PCDHGA2: variants seen among roughly 807,000 people sequenced by gnomAD.
PCDHGA2 encodes the protein protocadherin gamma-A2.
Under a neutral mutation model 59.2 loss-of-function variants are expected in PCDHGA2, and 40 were observed. The ratio of observed to expected loss-of-function variants is 0.68; its 90% confidence interval spans 0.52 to 0.88. The LOEUF (loss-of-function observed/expected upper bound fraction) is 0.88, where lower values mean the gene tolerates loss of function less well. PCDHGA2 is among the 40% of genes least tolerant of loss of function. The pLI is 0.00. For missense variants in PCDHGA2, 1,226 were observed against 1,204.0 expected (o/e 1.02, Z -0.27); for synonymous variants, 560 against 526.0 (o/e 1.06, Z -0.89).
chr5:141,350,530 G>T, intron 1 of PCDHGA2: 3 of 1,614,064 alleles, frequency 1.9e-6, no homozygotes, highest in Non-Finnish European at 1.7e-6. Flanking sequence ...TAGATCGAGA[G>T]AAGATTTGCG....
chr5:141,350,855 A>G, intron 1 of PCDHGA2: 5 of 1,614,090 alleles, frequency 3.1e-6, no homozygotes, highest in Non-Finnish European at 4.2e-6. Context: ...ACCTCTAGAC[A>G]GGGAACATCA....
rs780923234 is a variant in PCDHGA2 at position 141,339,362 on chromosome 5, C to T, written c.391C>T (p.Pro131Ser). 1 of 1,614,146 alleles carries T rather than the reference C, an allele frequency of 6.2e-7. No homozygotes were observed. Among genetic ancestry groups the T allele is most frequent in the African/African-American group, 1.3e-5 (1 of 75,042 alleles). ...AATAACAGATATTAACGATAATGCC[C>T]CTCGCTTTGGAGTAGAGGAACTGGA... ...VEITDINDNA[P>S]RFGVEELELK... is the part of the protein sequence containing the mutation. Residue 131 changes from proline to serine, a missense_variant, in exon 1 of 4, where the codon CCT becomes TCT. Pro to Ser is a moderately conservative substitution (Grantham distance 74, BLOSUM62 -1). Transcript: ENST00000394576.
At position 141,421,262 on chromosome 5, in the gene PCDHGA2, G is replaced by GGCT. The variant is rs748368476; in HGVS notation, c.2425-73531_2425-73529dup. 2.6e-5 allele frequency: 42 copies of GGCT among 1,609,594 alleles called. No homozygotes were observed. The Admixed American group carries it at 3.2e-4, about 12-fold the overall frequency. On this transcript the variant is annotated intron_variant, in intron 1 of 3. Coordinates refer to ENST00000394576, the MANE Select transcript of PCDHGA2 (RefSeq NM_018915.4). ...CGGCTACAGCGCGGGGACCGCAGTC[G>GGCT]GCTGCTGCTGCTGCTGTGCATTTTC...
At chr5:141,358,349 G>A (rs1182827672) in intron 1 of PCDHGA2, among the ~76,000 whole-genome samples, 3 of 152,164 alleles carry the variant, frequency 2.0e-5, no homozygotes, top group African/African-American at 7.2e-5. Context: ...TGGACTGAGG[G>A]TTTTTTAATT....
rs1460626002 is a variant in PCDHGA2, at chr5:141,486,935, C to A, written c.2425-7872C>A. ...ACTGCCTCCATCAGTTGGTGCTGGC[C>A]ACCTAATCACAAAGGTGACTGCTGT... On this transcript the variant is annotated intron_variant, in intron 1 of 3. Transcript: ENST00000394576. This position sits in a 1 kb window ranked among gnomAD's most constrained non-coding sequence, Gnocchi z 5.0. 5 of 1,614,228 alleles carry A rather than the reference C, an allele frequency of 3.1e-6. No individual in the cohort carries two copies. The highest frequency in any genetic ancestry group is 4.2e-6 in the Non-Finnish European group (5 of 1,180,038).
chr5:141,386,595 A>C (rs77368271), intron 1 of PCDHGA2, among the ~76,000 whole-genome samples: 1 of 146,110 alleles, frequency 6.8e-6, no homozygotes, highest in African/African-American at 2.5e-5. Context: ...TGGGGGATAC[A>C]TTTTTTTTTT....
At chr5:141,502,575 A>G (rs1314648955) in intron 2 of PCDHGA2, among the ~76,000 whole-genome samples, 2 of 152,208 alleles carry the variant, frequency 1.3e-5, no homozygotes, top group Admixed American at 1.3e-4. Context: ...CATTATAAAA[A>G]TATATTTTTA....
chr5:141,385,325 T>C (rs1781126490), intron 1 of PCDHGA2: 2 of 1,606,594 alleles, frequency 1.2e-6, no homozygotes, highest in Admixed American at 3.4e-5. Flanking sequence ...AGTATTCAGG[T>C]GAGCCCAGCC....
At chr5:141,367,311 G>C (rs1390904308) in intron 1 of PCDHGA2, 1 of 152,666 alleles carries the variant, frequency 6.6e-6, no homozygotes. Flanking sequence ...GGCTGAGGTG[G>C]GCGGATCACG....
At chr5:141,502,534 C>T (rs565889110) in intron 2 of PCDHGA2, among the ~76,000 whole-genome samples, 10 of 152,074 alleles carry the variant, frequency 6.6e-5, no homozygotes, top group Non-Finnish European at 1.0e-4. Context: ...CGAGTTTGTT[C>T]GTGTGGTAAA....
At chr5:141,496,693 C>T (rs2099770546) in intron 2 of PCDHGA2, among the ~76,000 whole-genome samples, 1 of 152,164 alleles carries the variant, frequency 6.6e-6, no homozygotes, top group South Asian at 2.1e-4. Context: ...CCTTGCCAAC[C>T]TTCTCATAAG....
intron 1 of PCDHGA2, chr5:141,395,088 C>T (rs778953049): frequency 4.3e-6 from 7 of 1,614,194 alleles, no homozygotes; most frequent in African/African-American, 1.3e-5. Flanking sequence ...GGAAGTCTCC[C>T]TCACCGCCGA....
Position 141,432,136 on chromosome 5 carries a change from T to C in PCDHGA2, c.2425-62671T>C, listed in dbSNP as rs766026174. 2 of 1,613,960 alleles carry C rather than the reference T, an allele frequency of 1.2e-6. No individual in the cohort carries two copies. The highest frequency in any genetic ancestry group is 1.7e-5 in the Admixed American group (1 of 59,996). On this transcript the variant is annotated intron_variant, in intron 1 of 3. Transcript: ENST00000394576. The surrounding 1 kb of genome is among the most constrained non-coding windows in gnomAD (Gnocchi z 6.0). ...TCTTCCCTCAGGCCTCCTATTCCGC[T>C]TATATCCCAGAGAACAATCCCAGAG...
Position 141,477,912 on chromosome 5 carries a change from A to T in PCDHGA2, c.2425-16895A>T. The T allele has an allele frequency of 6.2e-7, 1 of 1,614,166 alleles. No individual in the cohort carries two copies. Among genetic ancestry groups the T allele is most frequent in the Non-Finnish European group, 8.5e-7 (1 of 1,180,022 alleles). ...TCACGGGTGGTAGGCTGGGACGCGGATGCAGGGCACAATGCCTGGCTCTCC... is the reference window on the plus strand; with the variant it reads ...TCACGGGTGGTAGGCTGGGACGCGGTTGCAGGGCACAATGCCTGGCTCTCC... On this transcript the variant is annotated intron_variant, in intron 1 of 3. Coordinates refer to ENST00000394576, the MANE Select transcript of PCDHGA2 (RefSeq NM_018915.4). This position sits in a 1 kb window ranked among gnomAD's most constrained non-coding sequence, Gnocchi z 4.9.
chr5:141,373,481 C>T (rs570555683), intron 1 of PCDHGA2, among the ~76,000 whole-genome samples: 13 of 152,328 alleles, frequency 8.5e-5, no homozygotes, highest in Non-Finnish European at 1.8e-4. Context: ...TATAATTGTG[C>T]CCCTGCACTC....
chr5:141,362,652 A>G, intron 1 of PCDHGA2: 1 of 1,421,164 alleles, frequency 7.0e-7, no homozygotes. Flanking sequence ...TGTGAGTTAG[A>G]TTTGGCCAAT....
At chr5:141,428,616 G>A (rs2097151212) in intron 1 of PCDHGA2, 1 of 207,844 alleles carries the variant, frequency 4.8e-6, no homozygotes, top group Admixed American at 5.3e-5. Flanking sequence ...AGAATAACAA[G>A]ATAAGCTCTA....
chr5:141,455,795 C>T (rs1251703490), intron 1 of PCDHGA2, among the ~76,000 whole-genome samples: 1 of 151,960 alleles, frequency 6.6e-6, no homozygotes, highest in African/African-American at 2.4e-5. Flanking sequence ...TCCGGAGATG[C>T]TTTAAAAAAT....
intron 1 of PCDHGA2, chr5:141,419,601 C>A (rs753678898): frequency 6.2e-7 from 1 of 1,611,818 alleles, no homozygotes; most frequent in Admixed American, 1.7e-5. Flanking sequence ...GTGCCGCGGG[C>A]CGCGCAGCCA....
Sources: allele counts gnomAD v4.1 joint callset (sites outside exome capture counted in the v4.1 genomes callset), GRCh38; gene constraint gnomAD v4.1.1; non-coding constraint Gnocchi (gnomAD v3.1); transcripts MANE v1.5; gene names NCBI Gene and HGNC (gene_info 2026-07-23, HGNC 2026-07-21).